EHF: variants seen among roughly 807,000 people sequenced by gnomAD.
EHF encodes ESE3 transcription factor.
Under a neutral mutation model 45.1 loss-of-function variants are expected in EHF, and 14 were observed. That is an observed-to-expected ratio of 0.31 (90% confidence interval 0.21 to 0.49). The LOEUF (loss-of-function observed/expected upper bound fraction) is 0.49. EHF is among the 20% of genes least tolerant of loss of function. The probability of loss-of-function intolerance (pLI) is 0.99; values close to 1 mark genes in which losing one functional copy is unlikely to be tolerated. For synonymous variants in EHF, 136 were observed against 131.8 expected (o/e 1.03, Z -0.22); for missense variants, 282 against 371.4 (o/e 0.76, Z 1.98).
At chr11:34,649,408 A>C (rs952031245) in intron 4 of EHF, among the ~76,000 whole-genome samples, 1 of 152,206 alleles carries the variant, frequency 6.6e-6, no homozygotes, top group Non-Finnish European at 1.5e-5. Flanking sequence ...AAAAAGTGTC[A>C]GGGGAGTGGC....
chr11:34,638,755 G>A (rs58451277), intron 1 of EHF, among the ~76,000 whole-genome samples: 2,269 of 152,226 alleles, frequency 0.015, 63 homozygotes, highest in African/African-American at 0.052. Context: ...TACCTAGGGT[G>A]GCTGAGGATT....
Position 34,649,057 on chromosome 11 carries a change from G to A in EHF, c.382G>A (p.Val128Ile), listed in dbSNP as rs1380581909. 4 of 1,613,982 alleles carry A rather than the reference G, an allele frequency of 2.5e-6. No individual in the cohort carries two copies. The highest frequency in any genetic ancestry group is 3.4e-6 in the Non-Finnish European group (4 of 1,179,920). The stretch of plus-strand genomic sequence containing the variant: ...TGACCTGTTCCAGTCCACACACAAT[G>A]TCATTGTCAAGACTGAACAAACTGG... Reference protein sequence around the residue: ...SSDLFQSTHNVIVKTEQTEPS... With the variant: ...SSDLFQSTHNIIVKTEQTEPS... Residue 128 changes from valine to isoleucine, a missense_variant, in exon 4 of 9, where the codon GTC (valine) becomes ATC (isoleucine). Physicochemically the swap from Val to Ile is conservative, Grantham distance 29 (BLOSUM62 3). Transcript: ENST00000257831.
intron 1 of EHF, among the ~76,000 whole-genome samples, chr11:34,629,187 G>A (rs1852651301): frequency 6.6e-6 from 1 of 152,170 alleles, no homozygotes; most frequent in Non-Finnish European, 1.5e-5. Context: ...TTTTGTTTGA[G>A]CTCCAAAGCT....
chr11:34,651,802 G>A lies in EHF; in HGVS notation c.541G>A (p.Val181Ile), dbSNP rs144914125. The A allele has an allele frequency of 8.7e-6, 14 of 1,613,808 alleles. No homozygotes were observed. Among genetic ancestry groups the A allele is most frequent in the Non-Finnish European group, 1.0e-5 (12 of 1,179,888 alleles). Reference sequence around the variant, plus strand: ...CATGACAACCACCAGTCACCTTCCTGTTGGTAAGCTGTCATCACATCTGAG... The same window carrying A: ...CATGACAACCACCAGTCACCTTCCTATTGGTAAGCTGTCATCACATCTGAG... ...ISMTTTSHLP[V>I]AESPDMKKEQ... The change falls in exon 6 of 9, where the codon GTT becomes ATT. Residue 181 changes from valine to isoleucine, a missense_variant. This residue lies in a region of EHF where 213 missense variants were observed against 247.3 expected (regional missense o/e 0.86). Transcript: ENST00000257831.
chr11:34,649,465 C>T (rs1237225787), intron 4 of EHF, among the ~76,000 whole-genome samples: 3 of 152,084 alleles, frequency 2.0e-5, no homozygotes, highest in Admixed American at 2.0e-4. Flanking sequence ...CTCTTCTCTC[C>T]CTCCTCCCTT....
At chr11:34,629,806 G>T (rs2133998526) in intron 1 of EHF, among the ~76,000 whole-genome samples, 1 of 152,252 alleles carries the variant, frequency 6.6e-6, no homozygotes, top group East Asian at 1.9e-4. Context: ...TGTGATGGCT[G>T]AGACATCAGG....
chr11:34,663,139 A>C lies in EHF; in HGVS notation c.*4208A>C, dbSNP rs1203698699. Among the ~76,000 whole-genome samples, 2 of 152,180 alleles carry C rather than the reference A, an allele frequency of 1.3e-5. No individual in the cohort carries two copies. Among genetic ancestry groups the C allele is most frequent in the African/African-American group, 4.8e-5 (2 of 41,458 alleles). ...CAACTCTATTGCTACTATTTAAAAA[A>C]AATCAGAAATCTTTCCCTTTAAGCT... On this transcript the variant is annotated 3_prime_UTR_variant, in exon 9 of 9. Transcript: ENST00000257831.
At chr11:34,650,684 A>G (rs1450182609) in intron 4 of EHF, among the ~76,000 whole-genome samples, 1 of 152,180 alleles carries the variant, frequency 6.6e-6, no homozygotes. Flanking sequence ...CTAGCCAAGA[A>G]ACAAAATGCT....
intron 2 of EHF, among the ~76,000 whole-genome samples, chr11:34,644,306 C>G (rs1854304391): frequency 6.6e-6 from 1 of 152,172 alleles, no homozygotes; most frequent in African/African-American, 2.4e-5. Context: ...TGGGGAGCCA[C>G]AAAATATATA....
chr11:34,647,813 T>C (rs1231777856), intron 3 of EHF, among the ~76,000 whole-genome samples: 2 of 152,238 alleles, frequency 1.3e-5, no homozygotes, highest in East Asian at 3.8e-4. Context: ...CCACCTCACA[T>C]TGGTGGCTGC....
At chr11:34,631,976 C>G (rs1225371192) in intron 1 of EHF, among the ~76,000 whole-genome samples, 2 of 152,156 alleles carry the variant, frequency 1.3e-5, no homozygotes, top group Non-Finnish European at 2.9e-5. Flanking sequence ...CCTGAGTGCC[C>G]TCACAGAACC....
chr11:34,644,746 A>G (rs1423364142), intron 2 of EHF, among the ~76,000 whole-genome samples: 1 of 152,204 alleles, frequency 6.6e-6, no homozygotes, highest in Non-Finnish European at 1.5e-5. Context: ...ATGGGAGTTA[A>G]ACCTTTCTGA....
At chr11:34,632,700 C>T (rs1196266894) in intron 1 of EHF, 2 of 1,529,552 alleles carry the variant, frequency 1.3e-6, no homozygotes, top group East Asian at 2.4e-5. Context: ...TCTCTCTGCT[C>T]TTGCCCCATT....
At chr11:34,650,601 A>T (rs1246611531) in intron 4 of EHF, among the ~76,000 whole-genome samples, 1 of 152,230 alleles carries the variant, frequency 6.6e-6, no homozygotes, top group Non-Finnish European at 1.5e-5. Context: ...AGCTGAGGGT[A>T]ACCTAGGTCT....
intron 1 of EHF, among the ~76,000 whole-genome samples, chr11:34,622,709 A>G (rs1316209443): frequency 1.3e-5 from 2 of 152,228 alleles, no homozygotes; most frequent in African/African-American, 2.4e-5. Context: ...TCTTCTTATA[A>G]TATGGAGTCA....
At chr11:34,646,143 G>A (rs1681389324) in intron 2 of EHF, among the ~76,000 whole-genome samples, 2 of 151,356 alleles carry the variant, frequency 1.3e-5, no homozygotes, top group African/African-American at 4.9e-5. Context: ...TGGACAATAA[G>A]CTAATAAATT....
intron 1 of EHF, among the ~76,000 whole-genome samples, chr11:34,633,766 A>T (rs1853124196): frequency 6.6e-6 from 1 of 152,148 alleles, no homozygotes; most frequent in African/African-American, 2.4e-5. Flanking sequence ...GATGGGTTTG[A>T]TAAAGGCCCT....
At position 34,642,692 on chromosome 11, in the gene EHF, C is replaced by T. The variant is rs773048565; in HGVS notation, c.62C>T (p.Pro21Leu). The part of the protein sequence containing the change: ...LNPGNNLLHQ[P>L]PAWTDSYSTC... ...CCCGGCAACAACCTCCTTCACCAGC[C>T]GCCAGCCTGGACAGACAGCTACTCC... Residue 21 changes from proline (P) to leucine (L), a missense_variant, in exon 2 of 9, where the codon CCG becomes CTG. This residue lies in a region of EHF where 213 missense variants were observed against 247.3 expected (regional missense o/e 0.86). Transcript: ENST00000257831. 36 of 1,614,014 alleles carry T rather than the reference C, an allele frequency of 2.2e-5. No individual in the cohort carries two copies. The highest frequency in any genetic ancestry group is 8.8e-5 in the South Asian group (8 of 91,072).
intron 4 of EHF, 104 bp from the exon 5 acceptor site, chr11:34,651,438 C>T: frequency 1.1e-6 from 1 of 897,564 alleles, no homozygotes; most frequent in Non-Finnish European, 1.8e-6. Context: ...GAGGACCACT[C>T]CTCACCCCCC....
Sources: allele counts gnomAD v4.1 joint callset (sites outside exome capture counted in the v4.1 genomes callset), GRCh38; gene constraint gnomAD v4.1.1; regional missense constraint gnomAD v4.1.1; transcripts MANE v1.5; gene names NCBI Gene and HGNC (gene_info 2026-07-23, HGNC 2026-07-21).